Variants in FBXL17 observed in about 807,000 individuals in gnomAD.
The protein encoded by FBXL17 is F-box and leucine rich repeat protein 17, also known as F-box/LRR-repeat protein 17.
In FBXL17, 22 loss-of-function variants were observed where a neutral mutation model predicts 66.2. The ratio of observed to expected loss-of-function variants is 0.33; its 90% confidence interval spans 0.24 to 0.47. The LOEUF (loss-of-function observed/expected upper bound fraction) is 0.47, where lower values mean the gene tolerates loss of function less well. Among genes scored for constraint, FBXL17 ranks in the 20% least tolerant of loss-of-function variants. The probability of loss-of-function intolerance (pLI) is 1.00; values close to 1 mark genes in which losing one functional copy is unlikely to be tolerated. For missense variants in FBXL17, 878 were observed against 948.2 expected (o/e 0.93, Z 0.97); for synonymous variants, 474 against 400.5 (o/e 1.18, Z -2.19).
At chr5:107,880,553 C>A (rs1748754505) in intron 8 of FBXL17, 1 of 1,013,384 alleles carries the variant, frequency 9.9e-7, no homozygotes, top group Admixed American at 5.4e-5. Flanking sequence ...CCACATACCC[C>A]CTTACTGGCC....
intron 6 of FBXL17, among the ~76,000 whole-genome samples, chr5:108,055,329 C>T (rs1282153970): frequency 2.2e-5 from 3 of 136,440 alleles, no homozygotes; most frequent in African/African-American, 8.1e-5. Context: ...ACGCTTCAGG[C>T]CGGGCACGGT....
chr5:108,047,993 A>G (rs1042699090), intron 6 of FBXL17, among the ~76,000 whole-genome samples: 1 of 152,212 alleles, frequency 6.6e-6, no homozygotes, highest in African/African-American at 2.4e-5. Flanking sequence ...CAACTGGGTG[A>G]GACCCTCCAA....
intron 7 of FBXL17, among the ~76,000 whole-genome samples, chr5:108,018,218 A>T (rs1435168270): frequency 1.3e-5 from 2 of 152,286 alleles, no homozygotes; most frequent in South Asian, 2.1e-4. Flanking sequence ...TCAGATGTAC[A>T]TCAAATTTTA....
At chr5:108,061,639 C>T (rs1747927736) in intron 6 of FBXL17, among the ~76,000 whole-genome samples, 1 of 152,038 alleles carries the variant, frequency 6.6e-6, no homozygotes, top group Non-Finnish European at 1.5e-5. Context: ...TTTGTTAGAG[C>T]TCATTTTTGT....
intron 6 of FBXL17, among the ~76,000 whole-genome samples, chr5:108,033,763 T>C (rs947165473): frequency 3.9e-5 from 6 of 152,188 alleles, no homozygotes; most frequent in Non-Finnish European, 7.3e-5. Context: ...CTCAACAACA[T>C]AGATGTTATC....
intron 6 of FBXL17, among the ~76,000 whole-genome samples, chr5:108,092,761 T>C (rs1371372326): frequency 6.6e-6 from 1 of 152,186 alleles, no homozygotes; most frequent in Non-Finnish European, 1.5e-5. Context: ...GAGGGATGAA[T>C]GTTTCCCAAA....
intron 7 of FBXL17, among the ~76,000 whole-genome samples, chr5:107,887,696 T>C (rs887654154): frequency 1.3e-5 from 2 of 152,106 alleles, no homozygotes; most frequent in African/African-American, 2.4e-5. Context: ...CTGCGAAGGC[T>C]CCCTCCACCC....
intron 7 of FBXL17, among the ~76,000 whole-genome samples, chr5:107,976,081 T>G (rs146622117): frequency 0.023 from 3,427 of 152,142 alleles, 61 homozygotes; most frequent in Non-Finnish European, 0.032. Flanking sequence ...ATGGTCTAGA[T>G]CTCCTGACCT....
intron 5 of FBXL17, among the ~76,000 whole-genome samples, chr5:108,213,322 C>A (rs1249207976): frequency 1.3e-5 from 2 of 152,142 alleles, no homozygotes; most frequent in African/African-American, 4.8e-5. Flanking sequence ...TGCTGGTGTT[C>A]CAGGCCCCAA....
At chr5:108,096,083 T>C (rs1448235678) in intron 6 of FBXL17, among the ~76,000 whole-genome samples, 1 of 152,206 alleles carries the variant, frequency 6.6e-6, no homozygotes, top group Non-Finnish European at 1.5e-5. Flanking sequence ...TACGCTTGTT[T>C]GCAATTCCAT....
chr5:108,340,970 T>G (rs1292736102), intron 4 of FBXL17, among the ~76,000 whole-genome samples: 2 of 152,182 alleles, frequency 1.3e-5, no homozygotes, highest in Non-Finnish European at 2.9e-5. Context: ...TTTGAAAATG[T>G]ACATATCTTA....
intron 5 of FBXL17, among the ~76,000 whole-genome samples, chr5:108,189,312 GGGATGGGAT>G: frequency 7.3e-6 from 1 of 137,624 alleles, no homozygotes; most frequent in Non-Finnish European, 1.6e-5. Flanking sequence ...GGGATGGGAT[GGGATGGGAT>G]GGGATGGGAT....
At chr5:108,347,134 C>G (rs187401224) in intron 4 of FBXL17, among the ~76,000 whole-genome samples, 1 of 152,246 alleles carries the variant, frequency 6.6e-6, no homozygotes, top group East Asian at 1.9e-4. Context: ...GTGAACATCA[C>G]AGAATGTACT....
intron 4 of FBXL17, among the ~76,000 whole-genome samples, chr5:108,227,419 T>G (rs1755147206): frequency 6.6e-6 from 1 of 152,346 alleles, no homozygotes; most frequent in South Asian, 2.1e-4. Flanking sequence ...CCCAAAGATG[T>G]AGCTTATAAA....
intron 5 of FBXL17, among the ~76,000 whole-genome samples, chr5:108,209,346 G>C (rs145717984): frequency 0.025 from 3,735 of 152,198 alleles, 150 homozygotes; most frequent in African/African-American, 0.085. Flanking sequence ...CCAATACTAT[G>C]TTGAAGAGGA....
intron 7 of FBXL17, among the ~76,000 whole-genome samples, chr5:107,963,369 A>T (rs1751993685): frequency 6.6e-6 from 1 of 152,136 alleles, no homozygotes; most frequent in African/African-American, 2.4e-5. Context: ...GTATGTGTAT[A>T]TTATACATAA....
chr5:107,943,129 T>C (rs1214457827), intron 7 of FBXL17, among the ~76,000 whole-genome samples: 1 of 152,166 alleles, frequency 6.6e-6, no homozygotes, highest in Non-Finnish European at 1.5e-5. Context: ...TGTCATTGCT[T>C]GACTCCCACT....
In FBXL17 at chr5:107,981,557, C is replaced by T. The variant is rs939318929; in HGVS notation, c.1822+39368G>A. ...GGAAGGACTGACGAGGTCATCATCACCCACCCACTCCATTCCGCTTTGAGT... is the reference window on the plus strand; with the variant it reads ...GGAAGGACTGACGAGGTCATCATCATCCACCCACTCCATTCCGCTTTGAGT... On this transcript the variant is annotated intron_variant, in intron 7 of 8. Coordinates refer to ENST00000542267, the MANE Select transcript of FBXL17 (RefSeq NM_001163315.3). 2.6e-5 allele frequency among the ~76,000 whole-genome samples: 4 copies of T among 152,232 alleles called. No individual in the cohort carries two copies. The South Asian group carries it at 8.3e-4, about 31-fold the overall frequency.
chr5:108,253,379 A>T (rs1756443049), intron 4 of FBXL17, among the ~76,000 whole-genome samples: 1 of 152,078 alleles, frequency 6.6e-6, no homozygotes, highest in Non-Finnish European at 1.5e-5. Flanking sequence ...ATTATTTTTA[A>T]ATCTTTTCTC....
Sources: allele counts gnomAD v4.1 joint callset (sites outside exome capture counted in the v4.1 genomes callset), GRCh38; gene constraint gnomAD v4.1.1; transcripts MANE v1.5; gene names NCBI Gene and HGNC (gene_info 2026-07-23, HGNC 2026-07-21).